The following NBAS variants were observed in gnomAD, a reference collection of about 807,000 sequenced individuals.
The protein encoded by NBAS is NAG/BC035112 fusion.
NBAS carries 219 observed loss-of-function variants against 302.5 expected under a neutral mutation model. The observed-to-expected ratio is 0.72, with a 90% CI of 0.65 to 0.81. The LOEUF (loss-of-function observed/expected upper bound fraction) is 0.81. Among genes scored for constraint, NBAS ranks in the 30% least tolerant of loss-of-function variants. The pLI, the probability that NBAS is intolerant of heterozygous loss-of-function variation, is 0.00. For synonymous variants in NBAS, 1,118 were observed against 1,021.6 expected (o/e 1.09, Z -1.80); for missense variants, 2,932 against 2,841.6 (o/e 1.03, Z -0.72).
intron 23 of NBAS, among the ~76,000 whole-genome samples, chr2:15,421,049 C>G (rs1677187279): frequency 6.6e-6 from 1 of 152,084 alleles, no homozygotes; most frequent in African/African-American, 2.4e-5. Flanking sequence ...AGTACTTCAA[C>G]AGACACATGT....
At chr2:15,344,525 C>T (rs111954954) in intron 35 of NBAS, among the ~76,000 whole-genome samples, 1,886 of 152,090 alleles carry the variant, frequency 0.012, 35 homozygotes, top group African/African-American at 0.043. Context: ...AATTAATAGG[C>T]TACCAACCAA....
chr2:15,098,446 GTATAT>G, the NBAS span, among the ~76,000 whole-genome samples: 1 of 35,946 alleles, frequency 2.8e-5, no homozygotes, highest in Non-Finnish European at 4.3e-5. Flanking sequence ...ATTGTATATT[GTATAT>G]TATATATTAT....
the NBAS span, among the ~76,000 whole-genome samples, chr2:15,026,177 C>T: frequency 1.1e-4 from 1 of 8,720 alleles, no homozygotes; most frequent in African/African-American, 5.0e-4. Context: ...TCTTTTCTGG[C>T]CGGGCACGGT....
At chr2:15,201,515 A>T (rs1230945574) in intron 48 of NBAS, among the ~76,000 whole-genome samples, 1 of 152,208 alleles carries the variant, frequency 6.6e-6, no homozygotes, top group African/African-American at 2.4e-5. Flanking sequence ...CACCAATCTA[A>T]GCAGTTCTTA....
the NBAS span, among the ~76,000 whole-genome samples, chr2:15,122,111 CG>C: frequency 6.7e-6 from 1 of 149,534 alleles, no homozygotes; most frequent in Non-Finnish European, 1.5e-5. Flanking sequence ...TGGGGTATGA[CG>C]GATGGAGGAC....
At chr2:15,519,797 G>A (rs1017101784) in intron 9 of NBAS, among the ~76,000 whole-genome samples, 4 of 151,986 alleles carry the variant, frequency 2.6e-5, no homozygotes, top group African/African-American at 7.2e-5. Flanking sequence ...TGCTGGTCAG[G>A]GACCACATTT....
intron 21 of NBAS, among the ~76,000 whole-genome samples, chr2:15,444,123 T>A (rs1029495444): frequency 6.6e-6 from 1 of 151,988 alleles, no homozygotes; most frequent in East Asian, 1.9e-4. Flanking sequence ...AAGCTACCAA[T>A]GACTTTCTTC....
intron 50 of NBAS, among the ~76,000 whole-genome samples, chr2:15,186,470 G>A (rs1665092134): frequency 6.6e-6 from 1 of 152,044 alleles, no homozygotes; most frequent in African/African-American, 2.4e-5. Context: ...ACATAAACTT[G>A]AGTTTGACAA....
At chr2:14,888,646 T>C in the NBAS span, among the ~76,000 whole-genome samples, 1 of 152,176 alleles carries the variant, frequency 6.6e-6, no homozygotes. Flanking sequence ...TAATGTATAA[T>C]TTAATATTTC....
the NBAS span, among the ~76,000 whole-genome samples, chr2:14,962,924 C>T: frequency 4.0e-5 from 6 of 151,806 alleles, no homozygotes; most frequent in Non-Finnish European, 7.4e-5. Context: ...GCAGGCAACC[C>T]CTCCCACAAA....
chr2:15,078,136 G>A, the NBAS span, among the ~76,000 whole-genome samples: 1 of 152,158 alleles, frequency 6.6e-6, no homozygotes, highest in Non-Finnish European at 1.5e-5. Context: ...GAGGTTTAAT[G>A]CTCAGAGCAC....
At chr2:14,873,807 T>C in the NBAS span, among the ~76,000 whole-genome samples, 2 of 151,350 alleles carry the variant, frequency 1.3e-5, no homozygotes, top group African/African-American at 4.9e-5. Flanking sequence ...TATCAAAATA[T>C]GTGGCTAAGG....
chr2:15,325,409 C>T (rs1163063667), intron 38 of NBAS, among the ~76,000 whole-genome samples: 2 of 151,986 alleles, frequency 1.3e-5, no homozygotes, highest in East Asian at 1.9e-4. Flanking sequence ...ATCATCTGAG[C>T]GTTCAGTAAG....
the NBAS span, among the ~76,000 whole-genome samples, chr2:15,152,207 C>T: frequency 8.5e-5 from 13 of 152,138 alleles, no homozygotes; most frequent in African/African-American, 3.1e-4. Flanking sequence ...ATAAAGAGAA[C>T]ATAAAGAAAA....
At chr2:15,479,468 G>A (rs1314436695) in intron 12 of NBAS, among the ~76,000 whole-genome samples, 1 of 152,058 alleles carries the variant, frequency 6.6e-6, no homozygotes, top group Non-Finnish European at 1.5e-5. Context: ...TATTTACGTG[G>A]CACATGTACC....
intron 28 of NBAS, among the ~76,000 whole-genome samples, chr2:15,385,086 C>T (rs904014844): frequency 8.5e-5 from 13 of 152,192 alleles, no homozygotes; most frequent in African/African-American, 3.1e-4. Context: ...AGAACAATTA[C>T]TCTTGTTCCA....
the NBAS span, among the ~76,000 whole-genome samples, chr2:15,092,146 C>T: frequency 6.6e-6 from 1 of 152,124 alleles, no homozygotes; most frequent in Non-Finnish European, 1.5e-5. Flanking sequence ...ATACACCACA[C>T]TACTTCTCCA....
chr2:15,147,178 T>A, the NBAS span, among the ~76,000 whole-genome samples: 1 of 152,136 alleles, frequency 6.6e-6, no homozygotes, highest in Admixed American at 6.5e-5. Context: ...CAGGATTGTA[T>A]TCAAGAAAAG....
intron 38 of NBAS, among the ~76,000 whole-genome samples, chr2:15,317,891 C>A (rs1318979511): frequency 6.6e-6 from 1 of 152,044 alleles, no homozygotes; most frequent in Non-Finnish European, 1.5e-5. Flanking sequence ...TCAGGAAATA[C>A]AGAAAACACC....
Sources: allele counts gnomAD v4.1 joint callset (sites outside exome capture counted in the v4.1 genomes callset), GRCh38; gene constraint gnomAD v4.1.1; transcripts MANE v1.5; gene names NCBI Gene and HGNC (gene_info 2026-07-23, HGNC 2026-07-21).